Variants in ARHGAP22 observed in about 807,000 individuals in gnomAD.
The protein encoded by ARHGAP22 is Rho GTPase activating protein 22.
In ARHGAP22, 48 loss-of-function variants were observed where a neutral mutation model predicts 59.1. The ratio of observed to expected loss-of-function variants is 0.81; its 90% CI spans 0.64 to 1.03. The LOEUF (loss-of-function observed/expected upper bound fraction) is 1.03. ARHGAP22 is among the 50% of genes least tolerant of loss of function. ARHGAP22 has a pLI of 0.00. For missense variants in ARHGAP22, 1,015 were observed against 958.7 expected, an observed-to-expected ratio of 1.06 and a Z score of -0.78; for synonymous variants, 445 against 416.4, an observed-to-expected ratio of 1.07 and a Z score of -0.84.
chr10:48,471,779 T>C (rs1157983976), intron 4 of ARHGAP22, among the ~76,000 whole-genome samples: 1 of 152,228 alleles, frequency 6.6e-6, no homozygotes, highest in Non-Finnish European at 1.5e-5. Context: ...TTCTCTTGCC[T>C]GGATTATTGC....
chr10:48,594,725 C>A (rs1218325482), intron 1 of ARHGAP22, among the ~76,000 whole-genome samples: 1 of 152,154 alleles, frequency 6.6e-6, no homozygotes, highest in Non-Finnish European at 1.5e-5. Context: ...CCACCCCTCG[C>A]CCAACTTAGG....
At chr10:48,535,537 G>C (rs2055263526) in intron 3 of ARHGAP22, among the ~76,000 whole-genome samples, 1 of 152,212 alleles carries the variant, frequency 6.6e-6, no homozygotes, top group Non-Finnish European at 1.5e-5. Context: ...GTGTTTCCTT[G>C]ACCAGGGTTT....
chr10:48,552,382 C>T (rs141831353), intron 3 of ARHGAP22, among the ~76,000 whole-genome samples: 21 of 152,384 alleles, frequency 1.4e-4, no homozygotes, highest in African/African-American at 4.3e-4. Context: ...CTCCTTCCTG[C>T]GCCTGTTAGT....
intron 5 of ARHGAP22, among the ~76,000 whole-genome samples, chr10:48,458,894 A>G (rs1315181871): frequency 6.6e-6 from 1 of 152,128 alleles, no homozygotes. Flanking sequence ...GGCTGCAGTG[A>G]CGGGCCTGGG....
At chr10:48,447,826 C>T (rs2045513842) in intron 9 of ARHGAP22, among the ~76,000 whole-genome samples, 1 of 152,226 alleles carries the variant, frequency 6.6e-6, no homozygotes, top group African/African-American at 2.4e-5. Context: ...CTCAGCTGAA[C>T]AATGATGTCC....
chr10:48,566,104 T>A (rs1056635129), intron 2 of ARHGAP22, among the ~76,000 whole-genome samples: 2 of 152,210 alleles, frequency 1.3e-5, no homozygotes, highest in African/African-American at 4.8e-5. Flanking sequence ...TGGGAAGTCT[T>A]CATTTTTCAC....
chr10:48,566,263 T>C (rs1013330659), intron 2 of ARHGAP22, among the ~76,000 whole-genome samples: 9 of 152,156 alleles, frequency 5.9e-5, no homozygotes, highest in East Asian at 3.8e-4. Flanking sequence ...TTAACTCTGA[T>C]TGGGGCCTCA....
chr10:48,631,337 A>C (rs77864032), intron 1 of ARHGAP22, among the ~76,000 whole-genome samples: 3,727 of 152,194 alleles, frequency 0.024, 167 homozygotes, highest in African/African-American at 0.086. Context: ...AGAAACTGTT[A>C]CCTCCATTTT....
intron 3 of ARHGAP22, among the ~76,000 whole-genome samples, chr10:48,517,164 G>C (rs555919039): frequency 6.6e-6 from 1 of 152,174 alleles, no homozygotes; most frequent in Non-Finnish European, 1.5e-5. Context: ...TTAGATTTTG[G>C]TGATAGTTGC....
At chr10:48,612,251 C>G (rs779795483) in intron 1 of ARHGAP22, among the ~76,000 whole-genome samples, 3 of 152,164 alleles carry the variant, frequency 2.0e-5, no homozygotes, top group Admixed American at 6.5e-5. Flanking sequence ...TCCTCTTCAC[C>G]TCATCTGTTA....
intron 3 of ARHGAP22, chr10:48,524,117 C>T (rs1347343793): frequency 7.5e-7 from 1 of 1,325,904 alleles, no homozygotes; most frequent in Non-Finnish European, 9.7e-7. Flanking sequence ...CAGCCGCCCG[C>T]GGCCCCGCCG....
the ARHGAP22 span, chr10:48,439,265 A>C: frequency 1.3e-5 from 2 of 149,766 alleles, no homozygotes; most frequent in African/African-American, 2.5e-5. Flanking sequence ...TAGTCATTAA[A>C]CATGCACCAC....
At chr10:48,654,681 TGTTTAA>T (rs2062687690), upstream of ARHGAP22, among the ~76,000 whole-genome samples, 1 of 11,786 alleles carries the variant, frequency 8.5e-5, no homozygotes, top group Non-Finnish European at 2.7e-3. Flanking sequence ...GTGGTGTGTG[TGTTTAA>T]GTGTGTGCTG....
intron 2 of ARHGAP22, among the ~76,000 whole-genome samples, chr10:48,570,179 T>C (rs960199507): frequency 1.6e-5 from 2 of 127,798 alleles, no homozygotes; most frequent in Non-Finnish European, 3.2e-5. Context: ...AGTTTTCATT[T>C]TGATATGTTT....
intron 3 of ARHGAP22, among the ~76,000 whole-genome samples, chr10:48,509,612 C>T (rs971922304): frequency 6.6e-6 from 1 of 152,204 alleles, no homozygotes; most frequent in Admixed American, 6.5e-5. Flanking sequence ...GTGACCCTGG[C>T]CTCTTCCGGG....
At chr10:48,480,380 C>A (rs1481543479) in intron 3 of ARHGAP22, among the ~76,000 whole-genome samples, 1 of 152,204 alleles carries the variant, frequency 6.6e-6, no homozygotes, top group Non-Finnish European at 1.5e-5. Flanking sequence ...ACTTTCCCCT[C>A]TTTGGTTCTC....
intron 1 of ARHGAP22, chr10:48,652,194 A>G: frequency 6.6e-7 from 1 of 1,514,518 alleles, no homozygotes; most frequent in Non-Finnish European, 8.9e-7. Context: ...TCAAATGCAA[A>G]GGTAATCATT....
At chr10:48,564,882 G>A (rs2057949146) in intron 2 of ARHGAP22, among the ~76,000 whole-genome samples, 3 of 152,234 alleles carry the variant, frequency 2.0e-5, no homozygotes, top group African/African-American at 7.2e-5. Context: ...CCCACATCAG[G>A]AGACTGCCAT....
chr10:48,515,873 A>G (rs1213300703), intron 3 of ARHGAP22, among the ~76,000 whole-genome samples: 1 of 152,166 alleles, frequency 6.6e-6, no homozygotes, highest in Non-Finnish European at 1.5e-5. Context: ...TTGGGTATTT[A>G]GGGGTGAGTT....
Sources: allele counts gnomAD v4.1 joint callset (sites outside exome capture counted in the v4.1 genomes callset), GRCh38; gene constraint gnomAD v4.1.1; transcripts MANE v1.5; gene names NCBI Gene and HGNC (gene_info 2026-07-23, HGNC 2026-07-21).